Variants in FNBP1 observed in about 807,000 individuals in gnomAD.
The protein encoded by FNBP1 is formin binding protein 1.
Under a neutral mutation model 90.6 loss-of-function variants are expected in FNBP1, and 26 were observed. That is an observed-to-expected ratio of 0.29 (90% CI 0.21 to 0.40). FNBP1 has a LOEUF of 0.40. Among genes scored for constraint, FNBP1 ranks in the 10% least tolerant of loss-of-function variants. The pLI, the probability that FNBP1 is intolerant of heterozygous loss-of-function variation, is 1.00. For missense variants in FNBP1, 635 were observed against 768.0 expected, an observed-to-expected ratio of 0.83 and a Z score of 2.05; for synonymous variants, 260 against 265.2, an observed-to-expected ratio of 0.98 and a Z score of 0.19.
chr9:129,960,584 C>A (rs968698687), intron 4 of FNBP1, among the ~76,000 whole-genome samples: 7 of 151,878 alleles, frequency 4.6e-5, no homozygotes, highest in Admixed American at 6.6e-5. Flanking sequence ...AACCTGGCGG[C>A]CAGATCTGGA....
At chr9:129,978,776 A>G (rs2050738881) in intron 3 of FNBP1, among the ~76,000 whole-genome samples, 164 bp from the exon 4 acceptor site, 1 of 152,214 alleles carries the variant, frequency 6.6e-6, no homozygotes, top group South Asian at 2.1e-4. Flanking sequence ...AAAATGGCTC[A>G]GAATTAATTA....
chr9:129,971,411 G>A (rs2049436077), intron 4 of FNBP1, among the ~76,000 whole-genome samples: 2 of 151,562 alleles, frequency 1.3e-5, no homozygotes, highest in African/African-American at 2.4e-5. Context: ...TTTTTTTTAA[G>A]ACAGAGTCTC....
At chr9:129,908,820 T>A (rs918532236) in intron 12 of FNBP1, 70 bp downstream of exon 12, 1 of 999,548 alleles carries the variant, frequency 1.0e-6, no homozygotes, top group Admixed American at 2.0e-5. Context: ...CCCAAAGTGC[T>A]GGGATTACAG....
intron 10 of FNBP1, among the ~76,000 whole-genome samples, chr9:129,919,480 T>C (rs946847582): frequency 6.6e-6 from 1 of 152,226 alleles, no homozygotes; most frequent in Non-Finnish European, 1.5e-5. Context: ...CTTTGTAGAC[T>C]GCAAATGGAG....
At chr9:129,892,714 G>C (rs1023550757) in intron 16 of FNBP1, among the ~76,000 whole-genome samples, 1 of 152,300 alleles carries the variant, frequency 6.6e-6, no homozygotes, top group East Asian at 1.9e-4. Context: ...GGAAATTCCT[G>C]ATTCTTTGGA....
In FNBP1 at chr9:129,923,906, G is replaced by T. The variant is rs578112983; in HGVS notation, c.1108C>A (p.Arg370Ser). The T allele has an allele frequency of 1.2e-6, 2 of 1,603,138 alleles. No homozygotes were observed. The highest frequency in any genetic ancestry group is 1.7e-6 in the Non-Finnish European group (2 of 1,175,900). ...PKQQKEPLSHRFNEFMTSKPK... is the reference protein window; with the variant it reads ...PKQQKEPLSHSFNEFMTSKPK... ...TTGGAGGTCATGAACTCGTTGAAGCGATGGGAGAGGGGTTCCTTTTGCTGC... is the reference window on the plus strand; with the variant it reads ...TTGGAGGTCATGAACTCGTTGAAGCTATGGGAGAGGGGTTCCTTTTGCTGC... The change falls in exon 10 of 17, where the codon CGC becomes AGC. Residue 370 changes from arginine (R) to serine (S), a missense_variant. Arg to Ser is a moderately radical substitution (Grantham distance 110, BLOSUM62 -1). Transcript: ENST00000446176.
At chr9:129,982,854 G>C (rs2051496459) in intron 2 of FNBP1, among the ~76,000 whole-genome samples, 2 of 152,088 alleles carry the variant, frequency 1.3e-5, no homozygotes, top group Admixed American at 1.3e-4. Context: ...TGTAGAGACA[G>C]AGTCTTGCCA....
At chr9:129,899,109 G>A (rs1316981658) in intron 15 of FNBP1, among the ~76,000 whole-genome samples, 5 of 149,154 alleles carry the variant, frequency 3.4e-5, no homozygotes, top group Non-Finnish European at 7.4e-5. Context: ...ACAGAGTCTC[G>A]TTCTGTCACC....
intron 2 of FNBP1, among the ~76,000 whole-genome samples, chr9:129,992,138 G>A (rs555644155): frequency 6.6e-6 from 1 of 152,314 alleles, no homozygotes; most frequent in Non-Finnish European, 1.5e-5. Context: ...CTGAGAAGCA[G>A]ATGCTGGGCA....
At chr9:129,982,751 C>A (rs1429510182) in intron 2 of FNBP1, among the ~76,000 whole-genome samples, 1 of 152,160 alleles carries the variant, frequency 6.6e-6, no homozygotes, top group Non-Finnish European at 1.5e-5. Context: ...AAGCCTCGAA[C>A]TCCTGGGCCC....
chr9:130,048,788 T>G, the FNBP1 span, among the ~76,000 whole-genome samples: 1 of 452 alleles, frequency 2.2e-3, no homozygotes, highest in Non-Finnish European at 0.019. Flanking sequence ...CAGTTTCCTC[T>G]TTTTTTTTTG....
In FNBP1 at chr9:129,963,616, C is replaced by CT. The variant is rs35213636; in HGVS notation, c.346-5064dup. On this transcript the variant is annotated intron_variant, in intron 4 of 16. Coordinates refer to ENST00000446176, the MANE Select transcript of FNBP1 (RefSeq NM_015033.3). ...GATGCCCATCTTCCTTCCTTCCAGCCTTTTTTTTTTTTTTTTTTAAAAAAA... is the reference window on the plus strand; with the variant it reads ...GATGCCCATCTTCCTTCCTTCCAGCCTTTTTTTTTTTTTTTTTTTAAAAAAA... 8.5e-4 allele frequency among the ~76,000 whole-genome samples: 98 copies of CT among 115,292 alleles called. 2 individuals are homozygous for CT. In the East Asian group the frequency reaches 8.7e-3, roughly 10 times the overall value. 75.6% of individuals were successfully genotyped at this position (115,292 alleles called of 152,430 possible). A position where few individuals can be genotyped will look rare whatever the true frequency, so the allele number is the denominator to read the frequency against.
chr9:129,939,324 G>C (rs2043973544), intron 6 of FNBP1, among the ~76,000 whole-genome samples: 1 of 151,960 alleles, frequency 6.6e-6, no homozygotes, highest in Non-Finnish European at 1.5e-5. Context: ...ACGAGGCAGA[G>C]GCTGCAGTGA....
intron 10 of FNBP1, chr9:129,919,358 T>G: frequency 2.4e-6 from 1 of 420,720 alleles, no homozygotes; most frequent in Non-Finnish European, 4.4e-6. Context: ...TTTGATGGTA[T>G]TTTTCCATAC....
chr9:129,940,901 A>C (rs2044230669), intron 6 of FNBP1, among the ~76,000 whole-genome samples: 1 of 152,028 alleles, frequency 6.6e-6, no homozygotes, highest in East Asian at 1.9e-4. Context: ...CTGAGATTAC[A>C]GGCGTGAGCC....
chr9:130,042,840 G>T lies in FNBP1; in HGVS notation c.24+112C>A. 4.3e-6 allele frequency: 3 copies of T among 692,502 alleles called. No individual in the cohort carries two copies. Among genetic ancestry groups the T allele is most frequent in the South Asian group, 1.4e-4 (2 of 14,462 alleles). The allele number at this position is 692,502 out of a possible 1,614,324, so 42.9% of individuals were successfully genotyped here. A position where few individuals can be genotyped will look rare whatever the true frequency, so the allele number is the denominator to read the frequency against. On this transcript the variant is annotated intron_variant, in intron 1 of 16. Coordinates refer to ENST00000446176, the MANE Select transcript of FNBP1 (RefSeq NM_015033.3). This position sits in a 1 kb window ranked among gnomAD's most constrained non-coding sequence, Gnocchi z 5.5. ...CTCCTCCCCAGGCCGCGAGGACCCC[G>T]ACCAGCGCGCCCTCGCCTCCGCCCA...
At position 129,925,020 on chromosome 9, in the gene FNBP1, T is replaced by C; in HGVS notation, c.927A>G (p.Pro309=). Residue 309 remains proline (P), a synonymous_variant, in exon 9 of 17, where the codon CCA becomes CCG. Coordinates refer to ENST00000446176, the MANE Select transcript of FNBP1 (RefSeq NM_015033.3). ...SLSNSRGEGK[P]DLKFGGKSKG... ...TGGATTTGCCACCAAATTTGAGGTC[T>C]GGTTTGCCTTCTCCTCTGGAATTTG... is the stretch of plus-strand genomic sequence containing the variant. 2 of 1,614,038 alleles carry C rather than the reference T, an allele frequency of 1.2e-6. No individual in the cohort carries two copies. The highest frequency in any genetic ancestry group is 1.6e-4 in the Middle Eastern group (1 of 6,062).
At chr9:129,950,658 C>T (rs1441752401) in intron 6 of FNBP1, among the ~76,000 whole-genome samples, 2 of 152,176 alleles carry the variant, frequency 1.3e-5, no homozygotes, top group Non-Finnish European at 2.9e-5. Flanking sequence ...TGGTAATGAA[C>T]CCAGGTAATG....
chr9:129,924,956 G>C lies in FNBP1; in HGVS notation c.987+4C>G. On this transcript the variant is annotated splice_donor_region_variant and intron_variant, in intron 9 of 16. Coordinates refer to ENST00000446176, the MANE Select transcript of FNBP1 (RefSeq NM_015033.3). ...AAAACTCATTTCACGCCAACCATCA[G>C]TACCTTATTTTTTTTGATGAACGGC... 1 of 1,609,290 alleles carries C rather than the reference G, an allele frequency of 6.2e-7. No homozygotes were observed. The highest frequency in any genetic ancestry group is 8.5e-7 in the Non-Finnish European group (1 of 1,177,428).
Sources: allele counts gnomAD v4.1 joint callset (sites outside exome capture counted in the v4.1 genomes callset), GRCh38; gene constraint gnomAD v4.1.1; non-coding constraint Gnocchi (gnomAD v3.1); transcripts MANE v1.5; gene names NCBI Gene and HGNC (gene_info 2026-07-23, HGNC 2026-07-21).